The following RAB3GAP2 variants were observed in gnomAD, a reference collection of about 807,000 sequenced individuals.
RAB3GAP2 encodes the protein rab3 GTPase-activating protein non-catalytic subunit.
A neutral mutation model predicts 185.3 loss-of-function variants in RAB3GAP2; 87 were observed. The observed-to-expected ratio is 0.47, with a 90% confidence interval of 0.39 to 0.56. RAB3GAP2 has a LOEUF of 0.56. Ranked by LOEUF, RAB3GAP2 falls within the 20% of genes least tolerant of loss-of-function variation. RAB3GAP2 has a pLI of 0.00. For synonymous variants in RAB3GAP2, 554 were observed against 576.1 expected (o/e 0.96, Z 0.55); for missense variants, 1,492 against 1,638.2 (o/e 0.91, Z 1.54).
intron 2 of RAB3GAP2, chr1:220,220,302 CAG>C (rs955583212): frequency 3.9e-5 from 6 of 152,368 alleles, no homozygotes; most frequent in Admixed American, 3.3e-4. Flanking sequence ...AGTGGGTGTT[CAG>C]AGAGTCTCGC....
chr1:220,205,933 C>T lies in RAB3GAP2; in HGVS notation c.686G>A (p.Arg229His), dbSNP rs771549682. The change falls in exon 8 of 35, where the codon CGT becomes CAT. Residue 229 changes from arginine to histidine, a missense_variant. By Grantham distance (29) the Arg-to-His change is conservative. Coordinates refer to ENST00000358951, the MANE Select transcript of RAB3GAP2 (RefSeq NM_012414.4). ...IDGFSLFQSL[R>H]ACRNQVAKAA... ...TTTTGCTACCTGATTTCGACAAGCA[C>T]GAAGAGATTGAAAAAGGCTAAATCC... 28 of 1,608,686 alleles carry T rather than the reference C, an allele frequency of 1.7e-5. No individual in the cohort carries two copies. The highest frequency in any genetic ancestry group is 2.7e-5 in the African/African-American group (2 of 74,596).
At chr1:220,256,450 A>ACATAT (rs1660033077) in intron 1 of RAB3GAP2, among the ~76,000 whole-genome samples, 1 of 152,202 alleles carries the variant, frequency 6.6e-6, no homozygotes, top group Non-Finnish European at 1.5e-5. Context: ...CAATTAAAAG[A>ACATAT]CATAGAATGT....
intron 2 of RAB3GAP2, among the ~76,000 whole-genome samples, chr1:220,227,717 G>A (rs1659426486): frequency 6.6e-6 from 1 of 152,110 alleles, no homozygotes; most frequent in African/African-American, 2.4e-5. Context: ...CAAACCAATG[G>A]CAACTGGTGG....
chr1:220,244,267 C>T (rs567233780), intron 1 of RAB3GAP2, among the ~76,000 whole-genome samples: 1 of 152,120 alleles, frequency 6.6e-6, no homozygotes, highest in Non-Finnish European at 1.5e-5. Context: ...CAACAATGAC[C>T]AAGCTGAGAA....
Position 220,213,526 on chromosome 1 carries a change from T to C in RAB3GAP2, c.304+330A>G, listed in dbSNP as rs57557703. ...AGAGTTGAAAATCACCTCATTCACA[T>C]TGTTACTAAGAAAAGGTCAATGACC... On this transcript the variant is annotated intron_variant, in intron 3 of 34. Coordinates refer to ENST00000358951, the MANE Select transcript of RAB3GAP2 (RefSeq NM_012414.4). 0.16 allele frequency among the ~76,000 whole-genome samples: 24,652 copies of C among 151,600 alleles called. 2,292 individuals are homozygous for C. Among genetic ancestry groups the C allele is most frequent in the Admixed American group, 0.24 (3,618 of 15,198 alleles).
intron 21 of RAB3GAP2, among the ~76,000 whole-genome samples, chr1:220,174,200 C>T (rs531825707): frequency 6.6e-6 from 1 of 152,158 alleles, no homozygotes; most frequent in South Asian, 2.1e-4. Flanking sequence ...AGGATATATA[C>T]ATGTACATAT....
intron 21 of RAB3GAP2, among the ~76,000 whole-genome samples, chr1:220,173,844 C>A (rs1658226329): frequency 6.6e-6 from 1 of 151,814 alleles, no homozygotes; most frequent in African/African-American, 2.4e-5. Flanking sequence ...CGTGGTGAAA[C>A]CCCATCTCTA....
At chr1:220,215,778 G>A (rs1010676267) in intron 2 of RAB3GAP2, among the ~76,000 whole-genome samples, 7 of 151,986 alleles carry the variant, frequency 4.6e-5, no homozygotes, top group Admixed American at 3.9e-4. Context: ...ATGTCATGTA[G>A]ACTCCTACCT....
intron 2 of RAB3GAP2, among the ~76,000 whole-genome samples, chr1:220,223,794 C>T (rs1659352364): frequency 6.6e-6 from 1 of 151,384 alleles, no homozygotes. Flanking sequence ...TACTCTCATA[C>T]ACTGCTATTT....
At chr1:220,215,737 T>A (rs1283650535) in intron 2 of RAB3GAP2, among the ~76,000 whole-genome samples, 1 of 152,180 alleles carries the variant, frequency 6.6e-6, no homozygotes, top group Non-Finnish European at 1.5e-5. Context: ...GGCTAAATTA[T>A]CCATCTATTC....
Position 220,151,249 on chromosome 1 carries a change from T to G in RAB3GAP2, c.*2A>C. 1 of 1,612,688 alleles carries G rather than the reference T, an allele frequency of 6.2e-7. No individual in the cohort carries two copies. Among genetic ancestry groups the G allele is most frequent in the Non-Finnish European group, 8.5e-7 (1 of 1,178,902 alleles). ...TTTTAGACTATTTCCAGTAGGTAAG[T>G]GTCATAAAGAAGGAAGAGATATGGC... On this transcript the variant is annotated 3_prime_UTR_variant, in exon 35 of 35. Transcript: ENST00000358951.
chr1:220,179,168 G>T (rs924986081), intron 21 of RAB3GAP2, among the ~76,000 whole-genome samples: 2 of 143,062 alleles, frequency 1.4e-5, no homozygotes, highest in Admixed American at 7.4e-5. Context: ...AGAATAACTT[G>T]AACCTGGGAG....
intron 13 of RAB3GAP2, 30 bp downstream of exon 13, chr1:220,193,210 A>G (rs1658657447): frequency 6.2e-7 from 1 of 1,612,598 alleles, no homozygotes. Context: ...AAGTGAATTA[A>G]TTGTTTTTCT....
chr1:220,154,222 A>T (rs1657816250), intron 31 of RAB3GAP2, 165 bp from the exon 32 acceptor site: 1 of 1,026,288 alleles, frequency 9.7e-7, no homozygotes, highest in African/African-American at 1.6e-5. Flanking sequence ...TATATAGTAG[A>T]CAGCCTTTAA....
chr1:220,264,024 C>T (rs905447998), intron 1 of RAB3GAP2, among the ~76,000 whole-genome samples: 1 of 151,602 alleles, frequency 6.6e-6, no homozygotes, highest in Non-Finnish European at 1.5e-5. Context: ...GGAAATGATA[C>T]CCACCGACAT....
At chr1:220,154,986 A>G (rs976993854) in intron 31 of RAB3GAP2, among the ~76,000 whole-genome samples, 1 of 152,140 alleles carries the variant, frequency 6.6e-6, no homozygotes, top group East Asian at 1.9e-4. Flanking sequence ...CAGCCTCCCA[A>G]AGTGCTGGGA....
chr1:220,196,047 T>A, intron 10 of RAB3GAP2: 1 of 603,416 alleles, frequency 1.7e-6, no homozygotes, highest in Non-Finnish European at 2.8e-6. Context: ...ACAAAGAATT[T>A]CCTTTTATAC....
At chr1:220,238,590 C>A (rs1411352319) in intron 1 of RAB3GAP2, among the ~76,000 whole-genome samples, 1 of 152,176 alleles carries the variant, frequency 6.6e-6, no homozygotes, top group Non-Finnish European at 1.5e-5. Flanking sequence ...CACATAGACA[C>A]CCTTAATAGC....
At chr1:220,159,831 A>G (rs1657932434) in intron 28 of RAB3GAP2, among the ~76,000 whole-genome samples, 1 of 152,056 alleles carries the variant, frequency 6.6e-6, no homozygotes, top group Non-Finnish European at 1.5e-5. Context: ...AGCCTCGCCA[A>G]CATGGTGAAA....
Sources: gnomAD v4.1 joint callset for allele counts (sites outside exome capture counted in the v4.1 genomes callset) on GRCh38, gnomAD v4.1.1 for gene constraint, MANE v1.5 for transcripts, NCBI Gene and HGNC (gene_info 2026-07-23, HGNC 2026-07-21) for gene names.